Variants in PCDH9 observed in about 807,000 individuals in gnomAD.
PCDH9 encodes protocadherin 9, also known as protocadherin-9.
Under a neutral mutation model 70.6 loss-of-function variants are expected in PCDH9, and 24 were observed. The ratio of observed to expected loss-of-function variants is 0.34; its 90% CI spans 0.25 to 0.48. The LOEUF is 0.48. Among genes scored for constraint, PCDH9 ranks in the 20% least tolerant of loss-of-function variants. The pLI, the probability that PCDH9 is intolerant of heterozygous loss-of-function variation, is 0.99. For synonymous variants in PCDH9, 562 were observed against 558.5 expected, an observed-to-expected ratio of 1.01 and a Z score of -0.09; for missense variants, 1,281 against 1,503.6, an observed-to-expected ratio of 0.85 and a Z score of 2.45.
intron 3 of PCDH9, among the ~76,000 whole-genome samples, chr13:66,666,315 G>A (rs375348073): frequency 2.6e-5 from 4 of 152,334 alleles, no homozygotes; most frequent in African/African-American, 9.6e-5. Flanking sequence ...GGAAGTCCTG[G>A]TGCCCGGGCC....
chr13:66,529,436 C>CTATT (rs1293515929), intron 4 of PCDH9, among the ~76,000 whole-genome samples: 1 of 151,968 alleles, frequency 6.6e-6, no homozygotes, highest in Admixed American at 6.6e-5. Context: ...TCTTTTATTA[C>CTATT]TATTTGTATG....
chr13:66,711,270 A>T (rs988311555), intron 3 of PCDH9, among the ~76,000 whole-genome samples: 2 of 152,036 alleles, frequency 1.3e-5, no homozygotes, highest in African/African-American at 2.4e-5. Context: ...AAAACGCAAG[A>T]TTTCTAAAGT....
Position 66,447,753 on chromosome 13 carries a change from T to C in PCDH9, c.3341-142725A>G, listed in dbSNP as rs538951906. On this transcript the variant is annotated intron_variant, in intron 4 of 4. Transcript: ENST00000377865. ...TGAAATAAAGTGAGTGAAAGTTGTC[T>C]TGTAATTTGTAAAAGGTGGGTATTC... Among the ~76,000 whole-genome samples, 346 of 152,304 alleles carry C rather than the reference T, an allele frequency of 2.3e-3. 2 individuals carry two copies. The highest frequency in any genetic ancestry group is 7.0e-3 in the South Asian group (34 of 4,830).
intron 3 of PCDH9, among the ~76,000 whole-genome samples, chr13:66,779,638 T>C (rs1385519935): frequency 6.6e-6 from 1 of 151,942 alleles, no homozygotes. Context: ...TTAGCCAACA[T>C]GGTGAAACCC....
At chr13:66,505,824 A>G (rs1959206583) in intron 4 of PCDH9, among the ~76,000 whole-genome samples, 1 of 152,120 alleles carries the variant, frequency 6.6e-6, no homozygotes, top group Non-Finnish European at 1.5e-5. Context: ...GGGCACAGCC[A>G]AGCCATATCA....
At chr13:66,417,062 A>G (rs1389709435) in intron 4 of PCDH9, among the ~76,000 whole-genome samples, 1 of 152,206 alleles carries the variant, frequency 6.6e-6, no homozygotes, top group Non-Finnish European at 1.5e-5. Flanking sequence ...GTTCTGGGAT[A>G]CATGTGCAGA....
At chr13:66,618,158 C>T (rs1355895706) in intron 4 of PCDH9, among the ~76,000 whole-genome samples, 2 of 152,154 alleles carry the variant, frequency 1.3e-5, no homozygotes, top group Non-Finnish European at 2.9e-5. Context: ...TTTTCCTTTT[C>T]ACCCAATAAA....
At chr13:66,864,193 G>C (rs1037631211) in intron 3 of PCDH9, among the ~76,000 whole-genome samples, 1 of 152,112 alleles carries the variant, frequency 6.6e-6, no homozygotes, top group Non-Finnish European at 1.5e-5. Flanking sequence ...CAGATATTAT[G>C]GGACATTATG....
intron 3 of PCDH9, among the ~76,000 whole-genome samples, chr13:66,877,430 G>A (rs2081836368): frequency 6.6e-6 from 1 of 151,118 alleles, no homozygotes; most frequent in South Asian, 2.1e-4. Flanking sequence ...ACTTTCAAAG[G>A]TTCCCAAAGT....
chr13:66,617,980 C>G (rs975191454), intron 4 of PCDH9, among the ~76,000 whole-genome samples: 39 of 152,250 alleles, frequency 2.6e-4, no homozygotes, highest in African/African-American at 8.9e-4. Flanking sequence ...CCTGGGGAAA[C>G]TCTAGCCAGC....
chr13:66,381,669 G>C (rs1197341412), intron 4 of PCDH9, among the ~76,000 whole-genome samples: 1 of 152,052 alleles, frequency 6.6e-6, no homozygotes, highest in Non-Finnish European at 1.5e-5. Flanking sequence ...AAAGGCGAAG[G>C]CAATGAAAAG....
intron 2 of PCDH9, among the ~76,000 whole-genome samples, chr13:67,174,980 A>T (rs987053002): frequency 2.0e-5 from 3 of 149,182 alleles, no homozygotes; most frequent in African/African-American, 7.5e-5. Flanking sequence ...AAAAAAAAAA[A>T]AAAAAATTAG....
intron 3 of PCDH9, among the ~76,000 whole-genome samples, chr13:66,814,866 G>A (rs1389683253): frequency 6.6e-6 from 1 of 151,976 alleles, no homozygotes; most frequent in African/African-American, 2.4e-5. Context: ...TTTCATGACA[G>A]GGACACCAAA....
At chr13:66,623,365 G>A (rs1049334483) in intron 4 of PCDH9, among the ~76,000 whole-genome samples, 2 of 152,200 alleles carry the variant, frequency 1.3e-5, no homozygotes, top group East Asian at 3.9e-4. Flanking sequence ...TTTCTGAATA[G>A]CAAAAGCTGT....
intron 3 of PCDH9, among the ~76,000 whole-genome samples, chr13:66,886,363 A>G (rs867179521): frequency 1.3e-5 from 2 of 152,264 alleles, no homozygotes; most frequent in Middle Eastern, 3.4e-3. Context: ...AGCAGAGTTA[A>G]AATCAGAAAG....
intron 3 of PCDH9, among the ~76,000 whole-genome samples, chr13:66,875,127 T>A (rs779452374): frequency 3.9e-5 from 6 of 152,132 alleles, no homozygotes; most frequent in Admixed American, 6.6e-5. Context: ...AGTATCAACA[T>A]CTCCCCTAAA....
chr13:66,554,860 G>A (rs983600820), intron 4 of PCDH9, among the ~76,000 whole-genome samples: 1 of 152,120 alleles, frequency 6.6e-6, no homozygotes, highest in African/African-American at 2.4e-5. Flanking sequence ...AGGTAGTTTT[G>A]TGTGTCCATT....
chr13:67,116,460 G>A (rs1297733751), intron 2 of PCDH9, among the ~76,000 whole-genome samples: 5 of 152,114 alleles, frequency 3.3e-5, no homozygotes, highest in Non-Finnish European at 5.9e-5. Flanking sequence ...GGAGGAAAAA[G>A]TTTAGGACAG....
chr13:66,604,252 G>A (rs920873465), intron 4 of PCDH9, among the ~76,000 whole-genome samples: 3 of 151,674 alleles, frequency 2.0e-5, no homozygotes, highest in Non-Finnish European at 4.4e-5. Context: ...TTCTTTTTCA[G>A]GTTGAAATAC....
Sources: gnomAD v4.1 joint callset for allele counts (sites outside exome capture counted in the v4.1 genomes callset) on GRCh38, gnomAD v4.1.1 for gene constraint, MANE v1.5 for transcripts, NCBI Gene and HGNC (gene_info 2026-07-23, HGNC 2026-07-21) for gene names.